Variants in TMEM232 observed in about 807,000 individuals in gnomAD.
TMEM232 encodes transmembrane protein 232.
A neutral mutation model predicts 78.8 loss-of-function variants in TMEM232; 80 were observed. The ratio of observed to expected loss-of-function variants is 1.01; its 90% CI spans 0.85 to 1.22. The LOEUF (loss-of-function observed/expected upper bound fraction) is 1.22. Ranked by LOEUF, TMEM232 falls within the 50% of genes most tolerant of loss-of-function variation. TMEM232 has a pLI of 0.00. For synonymous variants in TMEM232, 297 were observed against 254.3 expected (o/e 1.17, Z -1.60); for missense variants, 881 against 742.2 (o/e 1.19, Z -2.17).
At chr5:110,699,446 A>C (rs2150264551) in intron 1 of TMEM232, among the ~76,000 whole-genome samples, 1 of 152,244 alleles carries the variant, frequency 6.6e-6, no homozygotes, top group Non-Finnish European at 1.5e-5. Flanking sequence ...CATCATTAAA[A>C]ATGAAATTAG....
chr5:110,568,323 T>C, intron 11 of TMEM232, 124 bp downstream of exon 11: 2 of 949,546 alleles, frequency 2.1e-6, no homozygotes, highest in Non-Finnish European at 3.0e-6. Context: ...TTTAAAAATA[T>C]TATTCTCACC....
At chr5:110,472,477 A>G (rs539803200) in intron 12 of TMEM232, among the ~76,000 whole-genome samples, 15 of 152,110 alleles carry the variant, frequency 9.9e-5, no homozygotes, top group African/African-American at 3.6e-4. Context: ...TCCCAAAATT[A>G]TTCTGCAGAG....
rs566374746 is a variant in TMEM232 at position 110,640,968 on chromosome 5, G to C, written c.266C>G (p.Ser89Cys). The change falls in exon 4 of 14, where the codon TCT becomes TGT. Residue 89 changes from serine to cysteine, a missense_variant. Physicochemically the swap from Ser to Cys is moderately radical, Grantham distance 112 (BLOSUM62 -1). Coordinates refer to ENST00000455884, the MANE Select transcript of TMEM232 (RefSeq NM_001039763.4). The stretch of plus-strand genomic sequence containing the variant: ...AGCAGGAAGATGCACATGCCTTCCA[G>C]AGCCCAGGGTTTTGAGACCCAATTT... ...KRKLGLKTLG[S>C]GRHVHLPAAW... 2.0e-6 allele frequency: 3 copies of C among 1,537,046 alleles called. No homozygotes were observed. The highest frequency in any genetic ancestry group is 2.5e-5 in the South Asian group (2 of 81,084).
At chr5:110,399,787 C>A (rs1301036042) in intron 2 of TMEM232, among the ~76,000 whole-genome samples, 1 of 152,176 alleles carries the variant, frequency 6.6e-6, no homozygotes, top group African/African-American at 2.4e-5. Flanking sequence ...AGATCCAAGA[C>A]AAATTCCCTG....
At chr5:110,526,997 G>A (rs1239063732) in intron 12 of TMEM232, among the ~76,000 whole-genome samples, 1 of 151,636 alleles carries the variant, frequency 6.6e-6, no homozygotes, top group Non-Finnish European at 1.5e-5. Context: ...AAAATGAAGG[G>A]GGAAAAATTA....
chr5:110,728,601 G>T (rs1483494808), upstream of TMEM232, among the ~76,000 whole-genome samples: 1 of 151,444 alleles, frequency 6.6e-6, no homozygotes, highest in African/African-American at 2.4e-5. Flanking sequence ...GAAAATTTAT[G>T]TAAGAAAAAT....
chr5:110,553,019 C>A (rs753974217), intron 11 of TMEM232, among the ~76,000 whole-genome samples: 7 of 152,080 alleles, frequency 4.6e-5, no homozygotes, highest in Non-Finnish European at 8.8e-5. Flanking sequence ...TTGTTATTGT[C>A]AACTTTATCA....
chr5:110,432,372 T>C (rs972020030), intron 12 of TMEM232, among the ~76,000 whole-genome samples: 2 of 151,654 alleles, frequency 1.3e-5, no homozygotes, highest in African/African-American at 4.8e-5. Context: ...GAATTTCAAA[T>C]CCTGCCAAAC....
intron 10 of TMEM232, among the ~76,000 whole-genome samples, chr5:110,584,211 C>T (rs1018074502): frequency 2.0e-5 from 3 of 151,674 alleles, no homozygotes; most frequent in East Asian, 1.9e-4. Flanking sequence ...ATATTCATTG[C>T]AGCACTGTTT....
rs111738346 is a variant in TMEM232 at position 110,570,823 on chromosome 5, T to G, written c.1277-2198A>C. 1.6e-3 allele frequency among the ~76,000 whole-genome samples: 248 copies of G among 152,136 alleles called. 1 individual carries two copies. The highest frequency in any genetic ancestry group is 5.8e-3 in the African/African-American group (242 of 41,556). ...AGCAAAGGATTGCCATTTGTCCCTA[T>G]GTAAATTCCAAATCGCATGGCCAGG... On this transcript the variant is annotated intron_variant, in intron 10 of 13. Coordinates refer to ENST00000455884, the MANE Select transcript of TMEM232 (RefSeq NM_001039763.4).
chr5:110,476,154 TG>T (rs1376019549), intron 12 of TMEM232, among the ~76,000 whole-genome samples: 1 of 152,054 alleles, frequency 6.6e-6, no homozygotes, highest in Non-Finnish European at 1.5e-5. Flanking sequence ...GGCTGCTTTT[TG>T]TTCCCCTATA....
rs559691761 is a variant in TMEM232, at chr5:110,673,507, G to A, written c.-12-6143C>T. ...TAAATGCTTTAGAGGGTCACGTAAG[G>A]TCGATTGGAAAATTCTTTGTAATTT... On this transcript the variant is annotated intron_variant, in intron 1 of 13. Transcript: ENST00000455884. Among the ~76,000 whole-genome samples the A allele has an allele frequency of 3.3e-5, 5 of 152,218 alleles. No individual in the cohort carries two copies. The South Asian group carries it at 1.0e-3, about 32-fold the overall frequency.
intron 2 of TMEM232, among the ~76,000 whole-genome samples, chr5:110,406,747 G>T (rs1487515495): frequency 6.6e-6 from 1 of 151,902 alleles, no homozygotes; most frequent in Non-Finnish European, 1.5e-5. Context: ...AAGCACAAAA[G>T]ACAAAATATA....
chr5:110,534,129 A>T (rs1309804690), intron 11 of TMEM232, among the ~76,000 whole-genome samples: 1 of 152,154 alleles, frequency 6.6e-6, no homozygotes, highest in Non-Finnish European at 1.5e-5. Context: ...TTCACTAGAT[A>T]AGTAGAGGCC....
intron 2 of TMEM232, among the ~76,000 whole-genome samples, chr5:110,660,377 C>T (rs1021215934): frequency 6.6e-6 from 1 of 151,890 alleles, no homozygotes. Flanking sequence ...AAAATATATT[C>T]AGACAAACAA....
At chr5:110,592,396 TC>T (rs368755524) in intron 10 of TMEM232, among the ~76,000 whole-genome samples, 260 of 152,232 alleles carry the variant, frequency 1.7e-3, no homozygotes, top group African/African-American at 5.8e-3. Flanking sequence ...AATAGAATCA[TC>T]AGTGAGACAA....
chr5:110,706,800 A>T (rs1795972958), intron 1 of TMEM232, among the ~76,000 whole-genome samples: 1 of 152,182 alleles, frequency 6.6e-6, no homozygotes, highest in Non-Finnish European at 1.5e-5. Context: ...AGACACCAGC[A>T]TAGGATAAGA....
intron 1 of TMEM232, among the ~76,000 whole-genome samples, chr5:110,687,518 C>A (rs1021613873): frequency 1.1e-4 from 16 of 152,100 alleles, no homozygotes; most frequent in Non-Finnish European, 1.5e-5. Flanking sequence ...TAATTTCAGA[C>A]CCTGTAATAC....
intron 1 of TMEM232, among the ~76,000 whole-genome samples, chr5:110,711,889 G>C (rs1169670761): frequency 6.6e-6 from 1 of 151,870 alleles, no homozygotes; most frequent in Admixed American, 6.6e-5. Flanking sequence ...GGCAGATCAC[G>C]AAGTCAGGAG....
Sources: allele counts gnomAD v4.1 joint callset (sites outside exome capture counted in the v4.1 genomes callset), GRCh38; gene constraint gnomAD v4.1.1; transcripts MANE v1.5; gene names NCBI Gene and HGNC (gene_info 2026-07-23, HGNC 2026-07-21).